The following LRP1B variants were observed in gnomAD, a reference collection of about 807,000 sequenced individuals.
The protein encoded by LRP1B is LDL receptor related protein 1B.
Under a neutral mutation model 556.6 loss-of-function variants are expected in LRP1B, and 217 were observed. The ratio of observed to expected loss-of-function variants is 0.39; its 90% CI spans 0.35 to 0.44. The LOEUF (loss-of-function observed/expected upper bound fraction) is 0.44, where lower values mean the gene tolerates loss of function less well. Ranked by LOEUF, LRP1B falls within the 20% of genes least tolerant of loss-of-function variation. LRP1B has a pLI of 1.00. For missense variants in LRP1B, 5,053 were observed against 5,620.8 expected (o/e 0.90, Z 3.23); for synonymous variants, 2,047 against 1,865.8 (o/e 1.10, Z -2.50).
chr2:140,246,852 T>G (rs1161836466), intron 87 of LRP1B, among the ~76,000 whole-genome samples: 1 of 151,564 alleles, frequency 6.6e-6, no homozygotes, highest in Non-Finnish European at 1.5e-5. Context: ...ATGTGCATTC[T>G]GAAAACTCCC....
In LRP1B at chr2:140,836,757, TA is replaced by T. The variant is rs568969939; in HGVS notation, c.5209+3233del. Among the ~76,000 whole-genome samples, 1,016 of 151,480 alleles carry T rather than the reference TA, an allele frequency of 6.7e-3. 14 individuals are homozygous for T. The highest frequency in any genetic ancestry group is 0.023 in the African/African-American group (959 of 41,320). On this transcript the variant is annotated intron_variant, in intron 31 of 90. Transcript: ENST00000389484. ...GGAGCATCCATATTTTGGAAGTATT[TA>T]AAAAAAAAGTATTGCATTTATATAT... is the stretch of plus-strand genomic sequence containing the variant.
chr2:140,840,946 G>A lies in LRP1B; in HGVS notation c.5086C>T (p.Gln1696Ter), dbSNP rs767505509. 1 of 1,612,910 alleles carries A rather than the reference G, an allele frequency of 6.2e-7. No homozygotes were observed. The highest frequency in any genetic ancestry group is 1.1e-5 in the South Asian group (1 of 90,876). Residue 1696 changes from glutamine to a stop codon, truncating the protein, a stop_gained, in exon 30 of 91, where the codon CAG becomes TAG. Coordinates refer to ENST00000389484, the MANE Select transcript of LRP1B (RefSeq NM_018557.3). LOFTEE classifies it high-confidence loss of function. Reference protein sequence around the residue: ...TSIIHGIDKPQCLAAHPVRGK... With the variant: ...TSIIHGIDKP ...CTGACTGGGTGAGCTGCAAGACACT[G>A]TGGCTTATCGATTCCATGGATAATT...
At chr2:141,731,730 T>C (rs28562998) in intron 2 of LRP1B, among the ~76,000 whole-genome samples, 3,293 of 152,184 alleles carry the variant, frequency 0.022, 130 homozygotes, top group African/African-American at 0.075. Context: ...TTGGAGAAAA[T>C]TACTTAACTC....
chr2:140,468,192 C>T (rs1400175405), intron 60 of LRP1B, among the ~76,000 whole-genome samples: 1 of 152,114 alleles, frequency 6.6e-6, no homozygotes, highest in Admixed American at 6.5e-5. Flanking sequence ...TTTAGCCAGC[C>T]CAGCTGTGGC....
At chr2:141,983,060 A>G (rs1702085943) in intron 1 of LRP1B, among the ~76,000 whole-genome samples, 1 of 152,210 alleles carries the variant, frequency 6.6e-6, no homozygotes, top group African/African-American at 2.4e-5. Context: ...GAGAAAAGAC[A>G]ATGATTTTCT....
At chr2:141,864,839 G>A (rs775801686) in intron 1 of LRP1B, among the ~76,000 whole-genome samples, 3 of 152,092 alleles carry the variant, frequency 2.0e-5, no homozygotes, top group Admixed American at 6.5e-5. Flanking sequence ...CCGAGATCAC[G>A]CCACTGCACT....
chr2:141,749,713 G>A (rs569804393), intron 2 of LRP1B, among the ~76,000 whole-genome samples: 45 of 152,218 alleles, frequency 3.0e-4, no homozygotes, highest in African/African-American at 6.7e-4. Context: ...TCAGATTAAA[G>A]AAGAATGGAG....
At chr2:141,108,751 C>T (rs1700675391) in intron 7 of LRP1B, among the ~76,000 whole-genome samples, 1 of 152,068 alleles carries the variant, frequency 6.6e-6, no homozygotes, top group Admixed American at 6.6e-5. Flanking sequence ...CTAAAAAAGT[C>T]TTCAGTATGA....
In LRP1B at chr2:140,481,319, T is replaced by C. The variant is rs111999652; in HGVS notation, c.9425+4024A>G. Among the ~76,000 whole-genome samples the C allele has an allele frequency of 1.9e-4, 29 of 152,276 alleles. 1 individual carries two copies. The highest frequency in any genetic ancestry group is 7.0e-4 in the African/African-American group (29 of 41,566). On this transcript the variant is annotated intron_variant, in intron 59 of 90. Coordinates refer to ENST00000389484, the MANE Select transcript of LRP1B (RefSeq NM_018557.3). ...ACAATTATTTTGTTACTGGAAACTC[T>C]GACATGATGTAATAGGAAAAATCTG... is the stretch of plus-strand genomic sequence containing the variant.
chr2:141,203,586 G>T lies in LRP1B; in HGVS notation c.851-15003C>A, dbSNP rs1002101833. Among the ~76,000 whole-genome samples the T allele has an allele frequency of 1.8e-4, 28 of 152,142 alleles. No individual in the cohort carries two copies. In the South Asian group the frequency reaches 2.9e-3, roughly 16 times the overall value. On this transcript the variant is annotated intron_variant, in intron 6 of 90. Transcript: ENST00000389484. The stretch of plus-strand genomic sequence containing the variant: ...CTTAGACTCCCACACAATAATGGGG[G>T]GGGAGGACTTTAACACCCCACTGTC...
At chr2:140,285,006 ATC>A (rs199717126) in intron 84 of LRP1B, among the ~76,000 whole-genome samples, 5 of 144,852 alleles carry the variant, frequency 3.5e-5, no homozygotes, top group East Asian at 2.2e-4. Flanking sequence ...ATACCTAGAT[ATC>A]TCTCTGTGTG....
chr2:140,537,178 T>TAAC (rs1292561321), intron 45 of LRP1B, among the ~76,000 whole-genome samples: 1 of 142,060 alleles, frequency 7.0e-6, no homozygotes, highest in East Asian at 2.0e-4. Context: ...ATCAAAATAA[T>TAAC]AATTATTATT....
chr2:140,620,583 T>C (rs1683414721), intron 41 of LRP1B, among the ~76,000 whole-genome samples: 2 of 152,156 alleles, frequency 1.3e-5, no homozygotes, highest in Non-Finnish European at 2.9e-5. Flanking sequence ...AAAAATATGC[T>C]TAAGTTTTTC....
chr2:141,901,399 C>T (rs1699615127), intron 1 of LRP1B, among the ~76,000 whole-genome samples: 1 of 151,874 alleles, frequency 6.6e-6, no homozygotes, highest in African/African-American at 2.4e-5. Flanking sequence ...GATGGTGTCA[C>T]CTAATCAAAC....
chr2:141,636,481 A>T (rs749750038), intron 2 of LRP1B, among the ~76,000 whole-genome samples: 8 of 152,202 alleles, frequency 5.3e-5, no homozygotes, highest in Non-Finnish European at 8.8e-5. Context: ...GAAACTGGTG[A>T]TTGGTGTGTA....
intron 3 of LRP1B, among the ~76,000 whole-genome samples, chr2:141,406,891 C>A (rs999228815): frequency 1.3e-5 from 2 of 152,108 alleles, no homozygotes; most frequent in African/African-American, 4.8e-5. Flanking sequence ...TATGATGGAT[C>A]TTCTCAGAGA....
chr2:140,951,304 C>G (rs1449102231), intron 19 of LRP1B, among the ~76,000 whole-genome samples: 69 of 151,990 alleles, frequency 4.5e-4, no homozygotes. Flanking sequence ...TATTAACAAC[C>G]ATTTCGGGAG....
rs1309260796 is a variant in LRP1B at position 140,770,828 on chromosome 2, T to C, written c.5626+53A>G. On this transcript the variant is annotated intron_variant, in intron 34 of 90. Transcript: ENST00000389484. ...GGTTGCCTAACATCTGCATGGTATG[T>C]AATGATTAGTGAAGTAAATGAACCA... 4.8e-6 allele frequency: 7 copies of C among 1,463,354 alleles called. No homozygotes were observed. In the African/African-American group the frequency reaches 8.9e-5, roughly 19 times the overall value. 90.6% of individuals were successfully genotyped at this position (1,463,354 alleles called of 1,614,324 possible). A position where few individuals can be genotyped will look rare whatever the true frequency, so the allele number is the denominator to read the frequency against.
intron 3 of LRP1B, among the ~76,000 whole-genome samples, chr2:141,421,212 C>CT (rs1311692300): frequency 1.1e-4 from 17 of 152,130 alleles, no homozygotes; most frequent in Non-Finnish European, 1.3e-4. Flanking sequence ...TTTTTTAACA[C>CT]TCAAAGAAAT....
Sources: allele counts gnomAD v4.1 joint callset (sites outside exome capture counted in the v4.1 genomes callset), GRCh38; gene constraint gnomAD v4.1.1; transcripts MANE v1.5; gene names NCBI Gene and HGNC (gene_info 2026-07-23, HGNC 2026-07-21).